The following MMADHC variants were observed in gnomAD, a reference collection of about 807,000 sequenced individuals.
The protein encoded by MMADHC is cobalamin trafficking protein CblD.
In MMADHC, 23 loss-of-function variants were observed where a neutral mutation model predicts 36.3. The ratio of observed to expected loss-of-function variants is 0.63; its 90% CI spans 0.46 to 0.90. The LOEUF is 0.90. Ranked by LOEUF, MMADHC falls within the 40% of genes least tolerant of loss-of-function variation. MMADHC has a pLI of 0.00. For synonymous variants in MMADHC, 97 were observed against 116.1 expected, an observed-to-expected ratio of 0.84 and a Z score of 1.06; for missense variants, 330 against 348.0, an observed-to-expected ratio of 0.95 and a Z score of 0.41.
intron 6 of MMADHC, among the ~76,000 whole-genome samples, chr2:149,572,771 A>G (rs1050950579): frequency 2.6e-5 from 4 of 152,140 alleles, no homozygotes; most frequent in Admixed American, 2.6e-4. Context: ...GCAAGATTCC[A>G]AGAGGCCTAG....
intron 6 of MMADHC, chr2:149,572,118 G>C (rs542211674): frequency 4.8e-5 from 15 of 314,652 alleles, no homozygotes; most frequent in Non-Finnish European, 8.6e-5. Flanking sequence ...TATTTTATTA[G>C]CTTTATCAGA....
chr2:149,573,523 T>C (rs12999502), intron 6 of MMADHC, among the ~76,000 whole-genome samples: 100,595 of 152,084 alleles, frequency 0.66, 36,293 homozygotes, highest in East Asian at 0.86. Context: ...GAAATAAAAA[T>C]CAATTAGATC....
At chr2:149,587,378 A>C (rs1043567829) in intron 1 of MMADHC, 2 of 537,192 alleles carry the variant, frequency 3.7e-6, no homozygotes, top group African/African-American at 3.8e-5. Context: ...CCGCGGAAAA[A>C]CAACTCGGAC....
chr2:149,586,792 G>T (rs551844559), intron 2 of MMADHC: 53 of 393,396 alleles, frequency 1.3e-4, no homozygotes, highest in African/African-American at 1.0e-3. Flanking sequence ...GCTAAAAAAG[G>T]GCCTAAACAT....
In MMADHC at chr2:149,587,178, G is replaced by C. The variant is rs1682885032; in HGVS notation, c.-52-29C>G. ...GGAAAGAACACAACAAAACAGACGA[G>C]TGATCGATTAAACTCTAACAACAGA... is the stretch of plus-strand genomic sequence containing the variant. On this transcript the variant is annotated intron_variant, in intron 1 of 7. Transcript: ENST00000303319. 3.0e-6 allele frequency: 4 copies of C among 1,313,086 alleles called. No homozygotes were observed. The Admixed American group carries it at 6.7e-5, about 22-fold the overall frequency. 81.3% of individuals were successfully genotyped at this position (1,313,086 alleles called of 1,614,324 possible). A position where few individuals can be genotyped will look rare whatever the true frequency, so the allele number is the denominator to read the frequency against.
At chr2:149,582,097 A>C (rs758002608) in intron 3 of MMADHC, 30 bp downstream of exon 3, 1 of 1,611,400 alleles carries the variant, frequency 6.2e-7, no homozygotes, top group Non-Finnish European at 8.5e-7. Flanking sequence ...TGAAACAATT[A>C]TAAGTAAAGC....
chr2:149,578,854 TGA>T (rs914747268), intron 4 of MMADHC, among the ~76,000 whole-genome samples: 4 of 151,894 alleles, frequency 2.6e-5, no homozygotes, highest in African/African-American at 9.7e-5. Flanking sequence ...ACAGAAACCC[TGA>T]ATTGCATGTA....
Position 149,569,926 on chromosome 2 carries a change from A to G in MMADHC, c.*48T>C. 1 of 1,549,274 alleles carries G rather than the reference A, an allele frequency of 6.5e-7. No individual in the cohort carries two copies. On this transcript the variant is annotated 3_prime_UTR_variant, in exon 8 of 8. Transcript: ENST00000303319. ...TTAGTCTGACAGTGTTTATAGATCAACCCAAATATTACATACAAATAGTAC... is the reference window on the plus strand; with the variant it reads ...TTAGTCTGACAGTGTTTATAGATCAGCCCAAATATTACATACAAATAGTAC...
chr2:149,572,566 A>C (rs1682659835), intron 6 of MMADHC, among the ~76,000 whole-genome samples: 2 of 152,164 alleles, frequency 1.3e-5, no homozygotes, highest in Non-Finnish European at 2.9e-5. Context: ...TGCCTGTCAC[A>C]GGGCAAAGAA....
chr2:149,581,570 T>C (rs1355508774), intron 3 of MMADHC, among the ~76,000 whole-genome samples: 1 of 152,126 alleles, frequency 6.6e-6, no homozygotes, highest in Non-Finnish European at 1.5e-5. Flanking sequence ...ACAGAGACTA[T>C]CCCCCTACCC....
At chr2:149,581,686 G>A (rs1281647853) in intron 3 of MMADHC, among the ~76,000 whole-genome samples, 1 of 152,116 alleles carries the variant, frequency 6.6e-6, no homozygotes, top group African/African-American at 2.4e-5. Flanking sequence ...AAAGGGACAT[G>A]GTTAAAATAA....
rs1268038621 is a variant in MMADHC at position 149,579,419 on chromosome 2, C to T, written c.372+12G>A. On this transcript the variant is annotated intron_variant, in intron 4 of 7. Coordinates refer to ENST00000303319, the MANE Select transcript of MMADHC (RefSeq NM_015702.3). ...AATCAGGAAAGCACAATAAATGTTA[C>T]CAACAATTTACCTGAAATTCATTCA... 3 of 1,598,866 alleles carry T rather than the reference C, an allele frequency of 1.9e-6. No individual in the cohort carries two copies. In the African/African-American group the frequency reaches 4.0e-5, roughly 21 times the overall value.
chr2:149,579,423 C>A lies in MMADHC; in HGVS notation c.372+8G>T. The A allele has an allele frequency of 6.2e-7, 1 of 1,604,668 alleles. No homozygotes were observed. Among genetic ancestry groups the A allele is most frequent in the African/African-American group, 1.3e-5 (1 of 74,764 alleles). Reference sequence around the variant, plus strand: ...AGGAAAGCACAATAAATGTTACCAACAATTTACCTGAAATTCATTCACATA... The same window carrying A: ...AGGAAAGCACAATAAATGTTACCAAAAATTTACCTGAAATTCATTCACATA... On this transcript the variant is annotated splice_region_variant and intron_variant, in intron 4 of 7. Transcript: ENST00000303319.
intron 2 of MMADHC, among the ~76,000 whole-genome samples, chr2:149,584,654 C>A (rs1449004578): frequency 6.6e-6 from 1 of 152,146 alleles, no homozygotes; most frequent in Admixed American, 6.5e-5. Flanking sequence ...TACCAAATTT[C>A]ATTTTAATAG....
At chr2:149,583,910 G>A (rs1467220576) in intron 2 of MMADHC, among the ~76,000 whole-genome samples, 1 of 152,054 alleles carries the variant, frequency 6.6e-6, no homozygotes, top group East Asian at 1.9e-4. Context: ...TCTGCTAAAA[G>A]ATACTGTTTC....
chr2:149,587,349 G>C lies in MMADHC; in HGVS notation c.-52-200C>G, dbSNP rs946740761. The C allele has an allele frequency of 6.6e-5, 38 of 572,036 alleles. 1 individual carries two copies. The East Asian group carries it at 8.7e-4, about 13-fold the overall frequency. The allele number at this position is 572,036 out of a possible 1,614,324, so 35.4% of individuals were successfully genotyped here. On this transcript the variant is annotated intron_variant, in intron 1 of 7. Coordinates refer to ENST00000303319, the MANE Select transcript of MMADHC (RefSeq NM_015702.3). ...AGCCCGGAGCCGGCAGTGCAGCTCA[G>C]AGCCCTTCCGGTTTACAGCCGCGGA...
At chr2:149,579,933 T>A (rs1308074726) in intron 3 of MMADHC, among the ~76,000 whole-genome samples, 1 of 152,210 alleles carries the variant, frequency 6.6e-6, no homozygotes, top group African/African-American at 2.4e-5. Flanking sequence ...AATAAACCTT[T>A]ACATACTGAC....
At chr2:149,582,006 TC>T in intron 3 of MMADHC, 120 bp downstream of exon 3, 1 of 1,106,260 alleles carries the variant, frequency 9.0e-7, no homozygotes, top group Non-Finnish European at 1.3e-6. Flanking sequence ...TGATTCATTT[TC>T]AACTGAACAA....
At chr2:149,578,986 C>CTTT (rs1210920381) in intron 4 of MMADHC, among the ~76,000 whole-genome samples, 22 of 138,534 alleles carry the variant, frequency 1.6e-4, no homozygotes, top group Admixed American at 5.1e-4. Context: ...AAACTGGTTC[C>CTTT]TTTTTTTTTT....
Sources: allele counts gnomAD v4.1 joint callset (sites outside exome capture counted in the v4.1 genomes callset), GRCh38; gene constraint gnomAD v4.1.1; transcripts MANE v1.5; gene names NCBI Gene and HGNC (gene_info 2026-07-23, HGNC 2026-07-21).